Variants in INTS6 observed in about 807,000 individuals in gnomAD.
INTS6 encodes the protein integrator complex subunit 6.
INTS6 carries 16 observed loss-of-function variants against 104.9 expected under a neutral mutation model. The ratio of observed to expected loss-of-function variants is 0.15; its 90% CI spans 0.10 to 0.23. The LOEUF (loss-of-function observed/expected upper bound fraction) is 0.23. Among genes scored for constraint, INTS6 ranks in the 10% least tolerant of loss-of-function variants. INTS6 has a pLI of 1.00. For synonymous variants in INTS6, 324 were observed against 358.7 expected (o/e 0.90, Z 1.09); for missense variants, 584 against 1,062.8 (o/e 0.55, Z 6.26).
intron 4 of INTS6, among the ~76,000 whole-genome samples, chr13:51,424,889 A>G (rs1474877917): frequency 6.6e-6 from 1 of 152,070 alleles, no homozygotes; most frequent in African/African-American, 2.4e-5. Context: ...CAAAAAAGAG[A>G]AAGTTCTCCA....
chr13:51,341,220 G>A, the INTS6 span: 45 of 1,614,026 alleles, frequency 2.8e-5, no homozygotes, highest in Admixed American at 4.8e-4. Flanking sequence ...GTGTGGCCGC[G>A]TGTAGAAATG....
intron 4 of INTS6, among the ~76,000 whole-genome samples, chr13:51,422,562 G>A (rs914655269): frequency 6.6e-6 from 1 of 152,148 alleles, no homozygotes; most frequent in Non-Finnish European, 1.5e-5. Context: ...CACTAGCTAA[G>A]TTTTGGCATT....
At chr13:51,376,287 TA>T (rs1320733305) in intron 12 of INTS6, 113 bp from the exon 13 acceptor site, 158 of 741,634 alleles carry the variant, frequency 2.1e-4, no homozygotes, top group Middle Eastern at 2.9e-4. Flanking sequence ...CTGGTTAGCT[TA>T]AAAAAAATAA....
In INTS6 at chr13:51,361,937, T is replaced by A; in HGVS notation, c.*3815A>T. 6.2e-7 allele frequency: 1 copy of A among 1,611,998 alleles called. No homozygotes were observed. Among genetic ancestry groups the A allele is most frequent in the Non-Finnish European group, 8.5e-7 (1 of 1,178,700 alleles). On this transcript the variant is annotated 3_prime_UTR_variant, in exon 18 of 18. Coordinates refer to ENST00000311234, the MANE Select transcript of INTS6 (RefSeq NM_012141.3). ...ACAGGATTCAGATAATTTATCAGTG[T>A]CTCTCTAGCAACAAGGGCTCATTTG...
intron 3 of INTS6, chr13:51,444,387 G>C (rs1440011489): frequency 2.0e-5 from 3 of 149,882 alleles, no homozygotes; most frequent in East Asian, 2.0e-4. Context: ...TTACAGGTGT[G>C]AGCCATGGCA....
At chr13:51,434,927 A>G (rs2138117651) in intron 3 of INTS6, among the ~76,000 whole-genome samples, 1 of 152,178 alleles carries the variant, frequency 6.6e-6, no homozygotes, top group South Asian at 2.1e-4. Context: ...CTGCAATATA[A>G]TGTTATTCAC....
chr13:51,404,109 G>GAC (rs1956505789), intron 4 of INTS6, among the ~76,000 whole-genome samples: 1 of 123,148 alleles, frequency 8.1e-6, no homozygotes, highest in South Asian at 2.6e-4. Flanking sequence ...CACACAGAGA[G>GAC]AGAGAGAGAG....
chr13:51,432,727 A>G (rs1413697320), intron 3 of INTS6, among the ~76,000 whole-genome samples: 1 of 152,224 alleles, frequency 6.6e-6, no homozygotes, highest in Non-Finnish European at 1.5e-5. Flanking sequence ...AATTCAACGC[A>G]TAACAACTCA....
chr13:51,360,076 G>A (rs192873030), downstream of INTS6, among the ~76,000 whole-genome samples: 3 of 152,036 alleles, frequency 2.0e-5, no homozygotes, highest in Non-Finnish European at 2.9e-5. Flanking sequence ...TTACAAGATG[G>A]ATGGAATGCC....
At chr13:51,408,448 G>T (rs1455588144) in intron 4 of INTS6, among the ~76,000 whole-genome samples, 2 of 152,118 alleles carry the variant, frequency 1.3e-5, no homozygotes, top group African/African-American at 4.8e-5. Context: ...CCCGGTCATT[G>T]AGTTTTATTA....
chr13:51,355,392 A>C (rs1482868929), intron 3 of INTS6, among the ~76,000 whole-genome samples: 5 of 152,182 alleles, frequency 3.3e-5, no homozygotes, highest in Non-Finnish European at 7.3e-5. Context: ...CAATGTCCAC[A>C]GCACACAGTA....
the INTS6 span, chr13:51,344,372 G>C: frequency 3.7e-6 from 6 of 1,613,270 alleles, no homozygotes; most frequent in Middle Eastern, 1.6e-4. Flanking sequence ...CTGTCCCCCT[G>C]CTTTGTGGAG....
At chr13:51,348,848 G>GTCCCCCCATGACCCCCTGATCCAGC in the INTS6 span, among the ~76,000 whole-genome samples, 21 of 150,392 alleles carry the variant, frequency 1.4e-4, no homozygotes, top group South Asian at 4.2e-4. Context: ...ACGTAATTGA[G>GTCCCCCCATGACCCCCTGATCCAGC]CAAGTACAGA....
At chr13:51,359,056 A>G (rs550498928), downstream of INTS6, among the ~76,000 whole-genome samples, 2 of 152,114 alleles carry the variant, frequency 1.3e-5, no homozygotes, top group African/African-American at 4.8e-5. Context: ...CATCTCCCAC[A>G]TATAATTAAT....
At chr13:51,355,601 A>T (rs74084808) in intron 3 of INTS6, among the ~76,000 whole-genome samples, 1 of 151,732 alleles carries the variant, frequency 6.6e-6, no homozygotes, top group Non-Finnish European at 1.5e-5. Context: ...CATCTGTCCA[A>T]TTTCCTTTTT....
At chr13:51,450,372 G>A (rs1182551952) in intron 3 of INTS6, 1 of 985,324 alleles carries the variant, frequency 1.0e-6, no homozygotes, top group Non-Finnish European at 1.2e-6. Flanking sequence ...AAAAGGACTT[G>A]TGGGGGTTAA....
chr13:51,343,016 C>T, the INTS6 span, among the ~76,000 whole-genome samples: 10 of 152,120 alleles, frequency 6.6e-5, no homozygotes, highest in South Asian at 2.1e-4. Context: ...TCTGCAGCCT[C>T]GTTTGGCTGG....
chr13:51,406,920 C>T (rs1956579734), intron 4 of INTS6, among the ~76,000 whole-genome samples: 2 of 147,240 alleles, frequency 1.4e-5, no homozygotes, highest in Non-Finnish European at 3.0e-5. Flanking sequence ...TTTTTTAGCT[C>T]ATCAGCTATC....
Position 51,364,317 on chromosome 13 carries a change from CATAAAGTT to C in INTS6, c.*1427_*1434del. ...CTCCACTTTCATCAATGCTTTTCTTCATAAAGTTATAATTTCATTTTGCTATACCCTTG... is the reference window on the plus strand; with the variant it reads ...CTCCACTTTCATCAATGCTTTTCTTCATAATTTCATTTTGCTATACCCTTG... On this transcript the variant is annotated 3_prime_UTR_variant, in exon 18 of 18. Coordinates refer to ENST00000311234, the MANE Select transcript of INTS6 (RefSeq NM_012141.3). 2 of 1,275,292 alleles carry C rather than the reference CATAAAGTT, an allele frequency of 1.6e-6. No individual in the cohort carries two copies. The highest frequency in any genetic ancestry group is 2.1e-6 in the Non-Finnish European group (2 of 930,558). 79.0% of individuals were successfully genotyped at this position (1,275,292 alleles called of 1,614,324 possible).
Sources: allele counts gnomAD v4.1 joint callset (sites outside exome capture counted in the v4.1 genomes callset), GRCh38; gene constraint gnomAD v4.1.1; transcripts MANE v1.5; gene names NCBI Gene and HGNC (gene_info 2026-07-23, HGNC 2026-07-21).